The following GRIN2D variants were observed in gnomAD, a reference collection of about 807,000 sequenced individuals.
GRIN2D encodes glutamate ionotropic receptor NMDA type subunit 2D, also known as glutamate receptor ionotropic, NMDA 2D.
Under a neutral mutation model 103.2 loss-of-function variants are expected in GRIN2D, and 37 were observed. The observed-to-expected ratio is 0.36, with a 90% CI of 0.28 to 0.47. The LOEUF (loss-of-function observed/expected upper bound fraction) is 0.47, where lower values mean the gene tolerates loss of function less well. GRIN2D is among the 20% of genes least tolerant of loss of function. GRIN2D has a pLI of 1.00. For missense variants in GRIN2D, 1,557 were observed against 1,910.6 expected, an observed-to-expected ratio of 0.81 and a Z score of 3.45; for synonymous variants, 845 against 885.6, an observed-to-expected ratio of 0.95 and a Z score of 0.81.
rs376694022 is a variant in GRIN2D at position 48,444,133 on chromosome 19, C to A, written c.*196C>A. The A allele has an allele frequency of 1.7e-5, 7 of 415,962 alleles. No individual in the cohort carries two copies. The Admixed American group carries it at 3.1e-4, about 18-fold the overall frequency. The allele number at this position is 415,962 out of a possible 1,614,324, so 25.8% of individuals were successfully genotyped here. On this transcript the variant is annotated 3_prime_UTR_variant, in exon 14 of 14. Coordinates refer to ENST00000263269, the MANE Select transcript of GRIN2D (RefSeq NM_000836.4). The surrounding 1 kb of genome is among the most constrained non-coding windows in gnomAD (Gnocchi z 5.5). The stretch of plus-strand genomic sequence containing the variant: ...GAGGATTTGGTCCCTCAACTATCAC[C>A]CAGCCTGAGAACGAGGGGGCGGGGG...
intron 11 of GRIN2D, among the ~76,000 whole-genome samples, chr19:48,435,246 T>C (rs1054663188): frequency 6.6e-6 from 1 of 150,868 alleles, no homozygotes; most frequent in Non-Finnish European, 1.5e-5. Flanking sequence ...GCTGCCGTCT[T>C]CCTCTGTCTC....
chr19:48,439,938 G>T (rs2147473080), intron 11 of GRIN2D, among the ~76,000 whole-genome samples: 1 of 152,294 alleles, frequency 6.6e-6, no homozygotes, highest in East Asian at 1.9e-4. Context: ...TAGGCCAAGT[G>T]TGGTGGCTCA....
In GRIN2D at chr19:48,442,505, AGGCGGGTAAAT is replaced by A; in HGVS notation, c.2674-92_2674-82del. The A allele has an allele frequency of 1.3e-6, 2 of 1,494,204 alleles. No individual in the cohort carries two copies. The highest frequency in any genetic ancestry group is 1.8e-6 in the Non-Finnish European group (2 of 1,123,304). 92.6% of individuals were successfully genotyped at this position (1,494,204 alleles called of 1,614,324 possible). On this transcript the variant is annotated intron_variant, in intron 13 of 13. Coordinates refer to ENST00000263269, the MANE Select transcript of GRIN2D (RefSeq NM_000836.4). This position sits in a 1 kb window ranked among gnomAD's most constrained non-coding sequence, Gnocchi z 7.2. ...TAGTGGGGAAGAGAGCGGGAAACACAGGCGGGTAAATGGAGAGGAGAGAGGGACTGAGGGGA... is the reference window on the plus strand; with the variant it reads ...TAGTGGGGAAGAGAGCGGGAAACACAGGAGAGGAGAGAGGGACTGAGGGGA...
chr19:48,430,365 A>AGTG (rs1017298411), intron 11 of GRIN2D, among the ~76,000 whole-genome samples: 7 of 152,260 alleles, frequency 4.6e-5, no homozygotes, highest in South Asian at 2.1e-4. Context: ...CGCCTGGCTA[A>AGTG]TTTTGGTAAT....
Position 48,398,866 on chromosome 19 carries a change from G to T in GRIN2D, c.465+9G>T. The T allele has an allele frequency of 7.6e-7, 1 of 1,307,446 alleles. No homozygotes were observed. Among genetic ancestry groups the T allele is most frequent in the South Asian group, 2.0e-5 (1 of 50,044 alleles). The allele number at this position is 1,307,446 out of a possible 1,614,324, so 81.0% of individuals were successfully genotyped here. ...TCGTGCTCACGCCCAAGGTGCGCGC[G>T]ACCGGGGCGGGGCGGGGCCACAGGA... On this transcript the variant is annotated intron_variant, in intron 3 of 13. Transcript: ENST00000263269.
chr19:48,415,012 T>C lies in GRIN2D; in HGVS notation c.1561T>C (p.Trp521Arg). The stretch of plus-strand genomic sequence containing the variant: ...GCACGGAAAGAAGATCGATGGCGTC[T>C]GGAACGGCATGATCGGGGAGGTGAG... Reference protein sequence around the residue: ...GKHGKKIDGVWNGMIGEVFYQ... With the variant: ...GKHGKKIDGVRNGMIGEVFYQ... The change falls in exon 7 of 14, where the codon TGG becomes CGG. Residue 521 changes from tryptophan (W) to arginine (R), a missense_variant. By Grantham distance (101) the Trp-to-Arg change is moderately radical. Coordinates refer to ENST00000263269, the MANE Select transcript of GRIN2D (RefSeq NM_000836.4). 1 of 1,595,474 alleles carries C rather than the reference T, an allele frequency of 6.3e-7. No homozygotes were observed. Among genetic ancestry groups the C allele is most frequent in the Non-Finnish European group, 8.6e-7 (1 of 1,167,600 alleles).
intron 4 of GRIN2D, among the ~76,000 whole-genome samples, chr19:48,409,519 C>T (rs868390901): frequency 1.3e-5 from 2 of 151,808 alleles, no homozygotes; most frequent in African/African-American, 4.8e-5. Flanking sequence ...TCAGGTGATC[C>T]ACCCACCTCA....
At position 48,415,051 on chromosome 19, in the gene GRIN2D, G is replaced by A. The variant is rs941563078; in HGVS notation, c.1581+19G>A. 1.3e-6 allele frequency: 2 copies of A among 1,561,844 alleles called. No homozygotes were observed. The highest frequency in any genetic ancestry group is 1.7e-6 in the Non-Finnish European group (2 of 1,149,170). On this transcript the variant is annotated intron_variant, in intron 7 of 13. Transcript: ENST00000263269. ...CGGGGAGGTGAGGGGGCGGACGGGA[G>A]GCGGGGAATCTTCGGGGCGGAGTCG... is the stretch of plus-strand genomic sequence containing the variant.
intron 4 of GRIN2D, among the ~76,000 whole-genome samples, chr19:48,410,837 T>C (rs1238131691): frequency 6.6e-6 from 1 of 151,944 alleles, no homozygotes; most frequent in Non-Finnish European, 1.5e-5. Context: ...AGAAGGAGAC[T>C]TGGGGACCGA....
At chr19:48,426,204 T>TTTTCTTTC (rs533790740) in intron 11 of GRIN2D, among the ~76,000 whole-genome samples, 192 of 147,042 alleles carry the variant, frequency 1.3e-3, no homozygotes, top group African/African-American at 4.8e-3. Context: ...TCTTCTTTCT[T>TTTTCTTTC]TTTCTTTCTT....
chr19:48,430,273 C>G (rs1026762657), intron 11 of GRIN2D, among the ~76,000 whole-genome samples: 1 of 152,140 alleles, frequency 6.6e-6, no homozygotes, highest in Admixed American at 6.5e-5. Flanking sequence ...GATCTTGGCT[C>G]ACTGCAATCT....
rs755714504 is a variant in GRIN2D at position 48,414,388 on chromosome 19, C to A, written c.1216C>A (p.Gln406Lys). 10 of 1,606,542 alleles carry A rather than the reference C, an allele frequency of 6.2e-6. No individual in the cohort carries two copies. In the Admixed American group the frequency reaches 1.4e-4, roughly 22 times the overall value. ...RTWEVVGSWEQQTLRLKYPLW... is the reference protein window; with the variant it reads ...RTWEVVGSWEKQTLRLKYPLW... ...TTTGGCCAAGGTGGGCAGCTGGGAG[C>A]AGCAGACGCTCCGCCTCAAGTACCC... Residue 406 changes from glutamine to lysine, a missense_variant, in exon 6 of 14, where the codon CAG becomes AAG. By Grantham distance (53) the Gln-to-Lys change is moderately conservative. This residue lies in a region of GRIN2D where 490 missense variants were observed against 601.1 expected (regional missense o/e 0.82). Transcript: ENST00000263269. This position sits in a 1 kb window ranked among gnomAD's most constrained non-coding sequence, Gnocchi z 4.6.
At chr19:48,423,414 A>G (rs972854813) in intron 11 of GRIN2D, among the ~76,000 whole-genome samples, 1 of 152,174 alleles carries the variant, frequency 6.6e-6, no homozygotes, top group East Asian at 1.9e-4. Context: ...AACAATAAAC[A>G]TGCAAACAGA....
Position 48,414,461 on chromosome 19 carries a change from A to T in GRIN2D, c.1289A>T (p.Gln430Leu). 6.2e-7 allele frequency: 1 copy of T among 1,607,260 alleles called. No homozygotes were observed. Among genetic ancestry groups the T allele is most frequent in the Non-Finnish European group, 8.5e-7 (1 of 1,176,988 alleles). ...TTCCTGCAGCCAGTGGACGACACGC[A>T]GCACCTCACGGTGGCCACGCTGGAG... ...GRFLQPVDDT[Q>L]HLTVATLEER... The change falls in exon 6 of 14, where the codon CAG becomes CTG. Residue 430 changes from glutamine to leucine, a missense_variant. Around this residue, in one of 7 missense-constraint regions of GRIN2D, gnomAD observed 197 missense variants for 334.1 expected, o/e 0.59. Transcript: ENST00000263269. This position sits in a 1 kb window ranked among gnomAD's most constrained non-coding sequence, Gnocchi z 4.6.
chr19:48,421,679 C>G lies in GRIN2D; in HGVS notation c.2092-106C>G, dbSNP rs1389396993. 2 of 888,826 alleles carry G rather than the reference C, an allele frequency of 2.3e-6. No individual in the cohort carries two copies. Among genetic ancestry groups the G allele is most frequent in the Non-Finnish European group, 3.6e-6 (2 of 553,000 alleles). 55.1% of individuals were successfully genotyped at this position (888,826 alleles called of 1,614,324 possible). A position where few individuals can be genotyped will look rare whatever the true frequency, so the allele number is the denominator to read the frequency against. On this transcript the variant is annotated intron_variant, in intron 10 of 13. Transcript: ENST00000263269. The surrounding 1 kb of genome is among the most constrained non-coding windows in gnomAD (Gnocchi z 4.8). ...GAGTGTTGAGAAATATTGAACACTC[C>G]TGGGACTGGGGTGTCTGCCAGATAG... is the stretch of plus-strand genomic sequence containing the variant.
Position 48,414,169 on chromosome 19 carries a change from G to T in GRIN2D, c.1200+64G>T, listed in dbSNP as rs528324279. 5.0e-5 allele frequency: 53 copies of T among 1,052,206 alleles called. No homozygotes were observed. In the South Asian group the frequency reaches 6.5e-4, roughly 13 times the overall value. 65.2% of individuals were successfully genotyped at this position (1,052,206 alleles called of 1,614,324 possible). On this transcript the variant is annotated intron_variant, in intron 5 of 13. Coordinates refer to ENST00000263269, the MANE Select transcript of GRIN2D (RefSeq NM_000836.4). The surrounding 1 kb of genome is among the most constrained non-coding windows in gnomAD (Gnocchi z 4.6). ...GTGGACTCCTGCATCCTGGCAGAGG[G>T]GGGGCTTGAGGTCGTGGACTAAGAG...
At chr19:48,427,472 CTTTTTTTTTTTTTTT>C (rs1038381293) in intron 11 of GRIN2D, among the ~76,000 whole-genome samples, 1 of 83,240 alleles carries the variant, frequency 1.2e-5, no homozygotes, top group African/African-American at 5.1e-5. Flanking sequence ...ATCTTCTTTT[CTTTTTTTTTTTTTTT>C]TTTTTTTTTT....
At chr19:48,410,665 C>T (rs1782684003) in intron 4 of GRIN2D, among the ~76,000 whole-genome samples, 1 of 150,656 alleles carries the variant, frequency 6.6e-6, no homozygotes, top group African/African-American at 2.4e-5. Context: ...AGACGGGTGG[C>T]GTGAGTTTTG....
At chr19:48,425,994 A>G (rs551437518) in intron 11 of GRIN2D, among the ~76,000 whole-genome samples, 1 of 152,216 alleles carries the variant, frequency 6.6e-6, no homozygotes, top group African/African-American at 2.4e-5. Flanking sequence ...AACGTCCTCT[A>G]AACAGAATCA....
Sources: allele counts gnomAD v4.1 joint callset (sites outside exome capture counted in the v4.1 genomes callset), GRCh38; gene constraint gnomAD v4.1.1; regional missense constraint gnomAD v4.1.1; non-coding constraint Gnocchi (gnomAD v3.1); transcripts MANE v1.5; gene names NCBI Gene and HGNC (gene_info 2026-07-23, HGNC 2026-07-21).